Variants in LRRC4C observed in about 807,000 individuals in gnomAD.
The protein encoded by LRRC4C is leucine-rich repeat-containing protein 4C.
LRRC4C carries 5 observed loss-of-function variants against 33.6 expected under a neutral mutation model. The ratio of observed to expected loss-of-function variants is 0.15; its 90% CI spans 0.08 to 0.31. The LOEUF (loss-of-function observed/expected upper bound fraction) is 0.31. LRRC4C is among the 10% of genes least tolerant of loss of function. The pLI is 1.00. For synonymous variants in LRRC4C, 329 were observed against 302.0 expected, an observed-to-expected ratio of 1.09 and a Z score of -0.93; for missense variants, 560 against 796.7, an observed-to-expected ratio of 0.70 and a Z score of 3.58.
At chr11:40,782,459 C>G (rs1380675002) in intron 2 of LRRC4C, among the ~76,000 whole-genome samples, 1 of 140,374 alleles carries the variant, frequency 7.1e-6, no homozygotes, top group Non-Finnish European at 1.5e-5. Flanking sequence ...TTTTTTTTTT[C>G]TAGGAACTAT....
chr11:41,088,066 C>A (rs1283091637), intron 1 of LRRC4C, among the ~76,000 whole-genome samples: 1 of 152,046 alleles, frequency 6.6e-6, no homozygotes, highest in Admixed American at 6.6e-5. Flanking sequence ...AAATGGCTTG[C>A]AAAATCATTG....
chr11:40,533,853 A>T (rs915836127), intron 3 of LRRC4C, among the ~76,000 whole-genome samples: 15 of 152,158 alleles, frequency 9.9e-5, no homozygotes, highest in Admixed American at 6.6e-4. Context: ...GTGTCCAAGG[A>T]CTCAAGGCTC....
intron 3 of LRRC4C, among the ~76,000 whole-genome samples, chr11:40,337,825 A>G (rs1271833368): frequency 1.3e-5 from 2 of 152,036 alleles, no homozygotes; most frequent in Non-Finnish European, 2.9e-5. Context: ...TGATCCTCTC[A>G]TTCTTCCCCT....
chr11:40,383,539 T>C (rs931272735), intron 3 of LRRC4C, among the ~76,000 whole-genome samples: 4 of 152,206 alleles, frequency 2.6e-5, no homozygotes, highest in Non-Finnish European at 4.4e-5. Context: ...ATTTATTTTT[T>C]AATAGCCACT....
rs1451183396 is a variant in LRRC4C, at chr11:40,585,834, G to T, written c.-270+62308C>A. Among the ~76,000 whole-genome samples the T allele has an allele frequency of 2.9e-5, 4 of 135,670 alleles. No individual in the cohort carries two copies. The South Asian group carries it at 7.7e-4, about 26-fold the overall frequency. 89.0% of individuals were successfully genotyped at this position (135,670 alleles called of 152,430 possible). A position where few individuals can be genotyped will look rare whatever the true frequency, so the allele number is the denominator to read the frequency against. ...TTTTTATGGCTGCATAGTATTCCAT[G>T]GTGTATATGTGCCAAATTTTCTTAA... On this transcript the variant is annotated intron_variant, in intron 3 of 6. Coordinates refer to ENST00000528697, the MANE Select transcript of LRRC4C (RefSeq NM_001258419.2).
intron 1 of LRRC4C, among the ~76,000 whole-genome samples, chr11:41,264,266 A>G (rs939870475): frequency 2.6e-5 from 4 of 151,842 alleles, no homozygotes; most frequent in Admixed American, 1.3e-4. Flanking sequence ...TAATTTTTGT[A>G]TTTTTAGTAG....
At chr11:40,938,488 A>G (rs1271429256) in intron 1 of LRRC4C, among the ~76,000 whole-genome samples, 2 of 152,196 alleles carry the variant, frequency 1.3e-5, no homozygotes, top group Non-Finnish European at 2.9e-5. Flanking sequence ...AACACATACT[A>G]TGTGTCAATA....
intron 2 of LRRC4C, among the ~76,000 whole-genome samples, chr11:40,736,078 T>C (rs866777481): frequency 5.3e-5 from 8 of 151,946 alleles, no homozygotes; most frequent in South Asian, 2.1e-4. Flanking sequence ...GTTTGTTACA[T>C]AGGTGTACAC....
intron 3 of LRRC4C, among the ~76,000 whole-genome samples, chr11:40,340,834 G>A (rs1429244717): frequency 6.6e-6 from 1 of 152,018 alleles, no homozygotes; most frequent in Non-Finnish European, 1.5e-5. Context: ...AAATGCAGAG[G>A]AGCAAATAAA....
chr11:40,833,467 G>T (rs916471831), intron 2 of LRRC4C, among the ~76,000 whole-genome samples: 1 of 151,900 alleles, frequency 6.6e-6, no homozygotes, highest in African/African-American at 2.4e-5. Flanking sequence ...AATATAAAAA[G>T]TATCAATGAG....
At chr11:40,872,201 C>T (rs1954684204) in intron 2 of LRRC4C, among the ~76,000 whole-genome samples, 1 of 152,036 alleles carries the variant, frequency 6.6e-6, no homozygotes, top group South Asian at 2.1e-4. Flanking sequence ...TGTCCAGCTC[C>T]CCTTCATTTC....
chr11:40,395,087 G>C (rs1304331172), intron 3 of LRRC4C, among the ~76,000 whole-genome samples: 1 of 152,076 alleles, frequency 6.6e-6, no homozygotes, highest in East Asian at 1.9e-4. Context: ...AATGTAGATG[G>C]AGTCAATTCA....
At chr11:40,434,092 C>T (rs1215183018) in intron 3 of LRRC4C, among the ~76,000 whole-genome samples, 7 of 152,082 alleles carry the variant, frequency 4.6e-5, no homozygotes, top group African/African-American at 1.7e-4. Context: ...GAGAATTTAG[C>T]AAATCTTTCA....
chr11:41,008,355 C>T (rs1405415526), intron 1 of LRRC4C, among the ~76,000 whole-genome samples: 1 of 152,168 alleles, frequency 6.6e-6, no homozygotes, highest in Non-Finnish European at 1.5e-5. Flanking sequence ...TCCCCCGTCT[C>T]TCTGACTTTA....
chr11:40,422,053 C>G (rs1351751068), intron 3 of LRRC4C, among the ~76,000 whole-genome samples: 4 of 152,160 alleles, frequency 2.6e-5, no homozygotes, highest in African/African-American at 7.2e-5. Context: ...AAATTCTGCC[C>G]AGTTAATGCT....
intron 1 of LRRC4C, among the ~76,000 whole-genome samples, chr11:41,394,176 T>A (rs1046812085): frequency 6.6e-6 from 1 of 151,948 alleles, no homozygotes; most frequent in African/African-American, 2.4e-5. Flanking sequence ...ATGGAGTTCA[T>A]AATAGTGGCT....
At chr11:40,799,067 C>A (rs1016728560) in intron 2 of LRRC4C, among the ~76,000 whole-genome samples, 8 of 152,082 alleles carry the variant, frequency 5.3e-5, no homozygotes, top group African/African-American at 1.7e-4. Flanking sequence ...ATATAGGTAG[C>A]AACAAATCCT....
intron 1 of LRRC4C, among the ~76,000 whole-genome samples, chr11:41,157,903 T>G (rs1182943632): frequency 6.6e-6 from 1 of 152,176 alleles, no homozygotes; most frequent in Non-Finnish European, 1.5e-5. Context: ...TTACAAACAA[T>G]CCAATTATAC....
chr11:40,653,613 A>G (rs569691305), intron 2 of LRRC4C, among the ~76,000 whole-genome samples: 2 of 152,330 alleles, frequency 1.3e-5, no homozygotes, highest in South Asian at 4.1e-4. Flanking sequence ...TTTGGAATTG[A>G]AACTTATGTT....
Sources: gnomAD v4.1 joint callset for allele counts (sites outside exome capture counted in the v4.1 genomes callset) on GRCh38, gnomAD v4.1.1 for gene constraint, MANE v1.5 for transcripts, NCBI Gene and HGNC (gene_info 2026-07-23, HGNC 2026-07-21) for gene names.